PTPRZ1: variants seen among roughly 807,000 people sequenced by gnomAD.
PTPRZ1 encodes receptor-type tyrosine-protein phosphatase zeta.
In PTPRZ1, 82 loss-of-function variants were observed where a neutral mutation model predicts 214.1. That is an observed-to-expected ratio of 0.38 (90% confidence interval 0.32 to 0.46). The LOEUF is 0.46. Among genes scored for constraint, PTPRZ1 ranks in the 20% least tolerant of loss-of-function variants. The pLI, the probability that PTPRZ1 is intolerant of heterozygous loss-of-function variation, is 1.00. For synonymous variants in PTPRZ1, 945 were observed against 987.9 expected (o/e 0.96, Z 0.81); for missense variants, 2,603 against 2,748.7 (o/e 0.95, Z 1.19).
intron 2 of PTPRZ1, among the ~76,000 whole-genome samples, chr7:121,966,191 A>G (rs1175071244): frequency 6.6e-6 from 1 of 152,210 alleles, no homozygotes; most frequent in African/African-American, 2.4e-5. Context: ...AGTTTGTGAT[A>G]TGCTAAGTAT....
At chr7:121,915,417 G>A (rs1795397245) in intron 1 of PTPRZ1, among the ~76,000 whole-genome samples, 1 of 152,162 alleles carries the variant, frequency 6.6e-6, no homozygotes. Flanking sequence ...AGTATGTGAA[G>A]CAAGACATTT....
intron 1 of PTPRZ1, among the ~76,000 whole-genome samples, chr7:121,881,771 G>T (rs13437930): frequency 6.6e-6 from 1 of 152,032 alleles, no homozygotes; most frequent in African/African-American, 2.4e-5. Context: ...TGGGTCCAAA[G>T]ATTCAAGTCT....
rs758258326 is a variant in PTPRZ1, at chr7:121,873,315, G to GTC, written c.-172_-171dup. On this transcript the variant is annotated 5_prime_UTR_variant, in exon 1 of 30. Transcript: ENST00000393386. The stretch of plus-strand genomic sequence containing the variant: ...ACTGTCTCTCTCTGTCTCTGTCTCT[G>GTC]TCTCTCTCTCTCTCACACACACACA... 4,808 of 509,278 alleles carry GTC rather than the reference G, an allele frequency of 9.4e-3. 16 individuals carry two copies. Among genetic ancestry groups the GTC allele is most frequent in the African/African-American group, 0.021 (790 of 37,200 alleles). 31.5% of individuals were successfully genotyped at this position (509,278 alleles called of 1,614,324 possible).
chr7:122,013,745 G>A lies in PTPRZ1; in HGVS notation c.4699G>A (p.Asp1567Asn). 6.2e-7 allele frequency: 1 copy of A among 1,614,194 alleles called. No individual in the cohort carries two copies. The highest frequency in any genetic ancestry group is 8.5e-7 in the Non-Finnish European group (1 of 1,180,028). ...DSLNENETST[D>N]FSFADTNEKD... ...CCTTAATGAGAATGAGACTTCCACA[G>A]ATTTCAGTTTTGCAGACACTAATGA... Residue 1567 changes from aspartate (D) to asparagine (N), a missense_variant, in exon 12 of 30, where the codon GAT becomes AAT. By Grantham distance (23) the Asp-to-Asn change is conservative (BLOSUM62 1). Transcript: ENST00000393386.
In PTPRZ1 at chr7:121,894,395, T is replaced by A. The variant is rs561884438; in HGVS notation, c.58+20838T>A. ...TGAACTGCTTTTTGTACAAATCTTT[T>A]GTTTAAATTGTGCTTTTTTTTATTA... On this transcript the variant is annotated intron_variant, in intron 1 of 29. Coordinates refer to ENST00000393386, the MANE Select transcript of PTPRZ1 (RefSeq NM_002851.3). Among the ~76,000 whole-genome samples, 12 of 152,280 alleles carry A rather than the reference T, an allele frequency of 7.9e-5. 1 individual carries two copies. In the South Asian group the frequency reaches 2.5e-3, roughly 32 times the overall value.
At chr7:121,907,784 C>T (rs1795160967) in intron 1 of PTPRZ1, among the ~76,000 whole-genome samples, 1 of 151,836 alleles carries the variant, frequency 6.6e-6, no homozygotes, top group African/African-American at 2.4e-5. Context: ...TTAATAAAAG[C>T]TAATTAAAAA....
chr7:121,992,931 T>C (rs1177339905), intron 8 of PTPRZ1, among the ~76,000 whole-genome samples: 1 of 152,196 alleles, frequency 6.6e-6, no homozygotes, highest in Non-Finnish European at 1.5e-5. Flanking sequence ...CTACGTGACT[T>C]GACGTGGGCC....
chr7:121,969,242 A>G (rs749288984), intron 3 of PTPRZ1, among the ~76,000 whole-genome samples: 37 of 151,264 alleles, frequency 2.4e-4, no homozygotes, highest in Non-Finnish European at 4.6e-4. Context: ...TATCCAAAAA[A>G]TCAAATCAAA....
rs535800779 is a variant in PTPRZ1, at chr7:122,033,534, A to G, written c.5167-561A>G. Among the ~76,000 whole-genome samples the G allele has an allele frequency of 3.3e-5, 5 of 152,168 alleles. No individual in the cohort carries two copies. The South Asian group carries it at 1.0e-3, about 32-fold the overall frequency. The stretch of plus-strand genomic sequence containing the variant: ...ACAAAAAGAGGTCTGCTAATTAAAT[A>G]TTTAGAGTGTTATGCTATCTAAATT... On this transcript the variant is annotated intron_variant, in intron 15 of 29. Transcript: ENST00000393386.
intron 1 of PTPRZ1, among the ~76,000 whole-genome samples, chr7:121,905,378 C>T (rs745723131): frequency 2.0e-5 from 3 of 152,040 alleles, no homozygotes; most frequent in Non-Finnish European, 2.9e-5. Context: ...ACAAAGGAGA[C>T]GAGGAGAGTC....
chr7:121,950,917 T>C lies in PTPRZ1; in HGVS notation c.125-17034T>C, dbSNP rs185441914. ...AAACAGAACGTATTTGTGGCCATAA[T>C]TTATTTTCTAATTACCCATCAAAGT... On this transcript the variant is annotated intron_variant, in intron 2 of 29. Transcript: ENST00000393386. 1.6e-4 allele frequency among the ~76,000 whole-genome samples: 24 copies of C among 152,340 alleles called. No homozygotes were observed. The East Asian group carries it at 4.6e-3, about 29-fold the overall frequency.
At chr7:121,886,634 G>A (rs191139736) in intron 1 of PTPRZ1, among the ~76,000 whole-genome samples, 37 of 152,242 alleles carry the variant, frequency 2.4e-4, no homozygotes, top group South Asian at 2.1e-3. Flanking sequence ...TAAGGCCAAT[G>A]TTAAGAGACT....
chr7:121,947,562 C>T (rs909503733), intron 2 of PTPRZ1, among the ~76,000 whole-genome samples: 1 of 152,132 alleles, frequency 6.6e-6, no homozygotes, highest in Non-Finnish European at 1.5e-5. Flanking sequence ...AATTCTATAT[C>T]CAGTTTAATG....
intron 2 of PTPRZ1, among the ~76,000 whole-genome samples, chr7:121,940,806 GA>G (rs546014910): frequency 0.032 from 4,441 of 138,468 alleles, 113 homozygotes; most frequent in Non-Finnish European, 0.031. Context: ...CCTGCCAAAT[GA>G]AAAAAAAAAA....
chr7:121,958,025 T>C (rs1412804001), intron 2 of PTPRZ1, among the ~76,000 whole-genome samples: 2 of 152,236 alleles, frequency 1.3e-5, no homozygotes, highest in African/African-American at 4.8e-5. Context: ...TTCTTTCCTC[T>C]CAATATATAC....
Position 122,013,706 on chromosome 7 carries a change from G to A in PTPRZ1, c.4660G>A (p.Gly1554Ser). ...TSDEESGSGQ[G>S]TSDSLNENET... ...TGATGAAGAAAGTGGATCAGGGCAAGGTACCTCAGATAGCCTTAATGAGAA... is the reference window on the plus strand; with the variant it reads ...TGATGAAGAAAGTGGATCAGGGCAAAGTACCTCAGATAGCCTTAATGAGAA... Residue 1554 changes from glycine (G) to serine (S), a missense_variant, in exon 12 of 30, where the codon GGT becomes AGT. Coordinates refer to ENST00000393386, the MANE Select transcript of PTPRZ1 (RefSeq NM_002851.3). 3 of 1,614,194 alleles carry A rather than the reference G, an allele frequency of 1.9e-6. No individual in the cohort carries two copies. Among genetic ancestry groups the A allele is most frequent in the Non-Finnish European group, 2.5e-6 (3 of 1,180,036 alleles).
intron 13 of PTPRZ1, among the ~76,000 whole-genome samples, chr7:122,026,510 C>T (rs2116707270): frequency 6.6e-6 from 1 of 152,262 alleles, no homozygotes; most frequent in South Asian, 2.1e-4. Flanking sequence ...CTGCCACAAT[C>T]TGGTTTCATT....
In PTPRZ1 at chr7:121,904,936, T is replaced by G. The variant is rs550445455; in HGVS notation, c.59-23220T>G. On this transcript the variant is annotated intron_variant, in intron 1 of 29. Coordinates refer to ENST00000393386, the MANE Select transcript of PTPRZ1 (RefSeq NM_002851.3). Reference sequence around the variant, plus strand: ...TTTACATGAACCTAAGAATTAAAGCTGGGTCTTTAACTTGAGTTTGGTAGA... The same window carrying G: ...TTTACATGAACCTAAGAATTAAAGCGGGGTCTTTAACTTGAGTTTGGTAGA... 2.0e-5 allele frequency among the ~76,000 whole-genome samples: 3 copies of G among 152,324 alleles called. No homozygotes were observed. The East Asian group carries it at 5.8e-4, about 29-fold the overall frequency.
chr7:122,036,793 A>C (rs765047933), intron 18 of PTPRZ1, 111 bp downstream of exon 18: 10 of 688,072 alleles, frequency 1.5e-5, no homozygotes, highest in Non-Finnish European at 1.9e-5. Context: ...GTTATTCGAT[A>C]GAGAATAAAA....
Sources: gnomAD v4.1 joint callset for allele counts (sites outside exome capture counted in the v4.1 genomes callset) on GRCh38, gnomAD v4.1.1 for gene constraint, MANE v1.5 for transcripts, NCBI Gene and HGNC (gene_info 2026-07-23, HGNC 2026-07-21) for gene names.